CDH12: variants seen among roughly 807,000 people sequenced by gnomAD.
CDH12 encodes the protein cadherin-12.
In CDH12, 41 loss-of-function variants were observed where a neutral mutation model predicts 74.1. The ratio of observed to expected loss-of-function variants is 0.55; its 90% confidence interval spans 0.43 to 0.72. The LOEUF (loss-of-function observed/expected upper bound fraction) is 0.72. Ranked by LOEUF, CDH12 falls within the 30% of genes least tolerant of loss-of-function variation. CDH12 has a pLI of 0.00. For synonymous variants in CDH12, 399 were observed against 355.0 expected (o/e 1.12, Z -1.39); for missense variants, 945 against 977.2 (o/e 0.97, Z 0.44).
chr5:22,071,862 AT>A (rs928447001), intron 5 of CDH12, among the ~76,000 whole-genome samples: 2 of 152,090 alleles, frequency 1.3e-5, no homozygotes, highest in Non-Finnish European at 2.9e-5. Flanking sequence ...AATCTGTGTC[AT>A]TTTTTATTCT....
intron 5 of CDH12, among the ~76,000 whole-genome samples, chr5:22,052,732 T>G (rs1448914685): frequency 6.6e-6 from 1 of 152,138 alleles, no homozygotes; most frequent in Non-Finnish European, 1.5e-5. Context: ...AGTCTCTTCT[T>G]CAGGTAAAAT....
intron 1 of CDH12, among the ~76,000 whole-genome samples, chr5:22,632,347 T>C (rs1027192430): frequency 7.2e-5 from 11 of 152,094 alleles, no homozygotes; most frequent in Non-Finnish European, 1.5e-4. Flanking sequence ...AATGCGCTAA[T>C]ACATTAAATA....
At chr5:22,390,049 G>A (rs146225579) in intron 3 of CDH12, among the ~76,000 whole-genome samples, 240 of 144,270 alleles carry the variant, frequency 1.7e-3, no homozygotes, top group African/African-American at 5.6e-3. Flanking sequence ...GCACGCACAC[G>A]CTAGGTATTG....
intron 1 of CDH12, among the ~76,000 whole-genome samples, chr5:22,557,147 T>G (rs1267228470): frequency 6.6e-6 from 1 of 152,106 alleles, no homozygotes; most frequent in Non-Finnish European, 1.5e-5. Context: ...CTATAATTTT[T>G]CTTTGACAGC....
chr5:22,052,906 T>C (rs945760026), intron 5 of CDH12, among the ~76,000 whole-genome samples: 3 of 152,098 alleles, frequency 2.0e-5, no homozygotes, highest in African/African-American at 7.2e-5. Flanking sequence ...TAGGAATATA[T>C]CATTGTATAT....
At chr5:22,719,397 A>T (rs1648642560) in intron 1 of CDH12, among the ~76,000 whole-genome samples, 1 of 152,180 alleles carries the variant, frequency 6.6e-6, no homozygotes, top group Non-Finnish European at 1.5e-5. Context: ...GAACCCTTCA[A>T]CATTCTTCCT....
chr5:21,944,893 A>G lies in CDH12; in HGVS notation c.526+30198T>C, dbSNP rs540793815. 5.4e-3 allele frequency among the ~76,000 whole-genome samples: 816 copies of G among 152,290 alleles called. 11 individuals carry two copies. Among genetic ancestry groups the G allele is most frequent in the African/African-American group, 0.016 (685 of 41,548 alleles). On this transcript the variant is annotated intron_variant, in intron 6 of 14. Transcript: ENST00000382254. ...AGTCTACAAGAAGGAAGTATAAGTTAGTACTCTACTTTTGATAGGATGGTA... is the reference window on the plus strand; with the variant it reads ...AGTCTACAAGAAGGAAGTATAAGTTGGTACTCTACTTTTGATAGGATGGTA...
rs978203021 is a variant in CDH12, at chr5:22,739,387, G to A, written c.-523+113671C>T. On this transcript the variant is annotated intron_variant, in intron 1 of 14. Coordinates refer to ENST00000382254, the MANE Select transcript of CDH12 (RefSeq NM_004061.5). ...CTACGTAAAATATATGTCAATGAAT[G>A]TTGTCCACTTTTCTCCCCCTCTGGA... Among the ~76,000 whole-genome samples, 19 of 151,884 alleles carry A rather than the reference G, an allele frequency of 1.3e-4. No homozygotes were observed. The South Asian group carries it at 1.9e-3, about 15-fold the overall frequency.
chr5:22,226,601 C>A (rs1262803390), intron 3 of CDH12, among the ~76,000 whole-genome samples: 2 of 152,030 alleles, frequency 1.3e-5, no homozygotes, highest in Non-Finnish European at 2.9e-5. Context: ...GCTCTGACTT[C>A]AATATTTTGA....
At chr5:22,048,430 T>C (rs1306606282) in intron 5 of CDH12, among the ~76,000 whole-genome samples, 1 of 152,168 alleles carries the variant, frequency 6.6e-6, no homozygotes, top group Non-Finnish European at 1.5e-5. Context: ...TTTTTTGTTG[T>C]CGTTGTTGGG....
Position 22,468,372 on chromosome 5 carries a change from A to G in CDH12, c.-428+36898T>C, listed in dbSNP as rs184636971. ...TCATGCATCTCTTTCAAAATTATATATTCAATAATGTGGCTTCTCTATTCT... is the reference window on the plus strand; with the variant it reads ...TCATGCATCTCTTTCAAAATTATATGTTCAATAATGTGGCTTCTCTATTCT... On this transcript the variant is annotated intron_variant, in intron 2 of 14. Coordinates refer to ENST00000382254, the MANE Select transcript of CDH12 (RefSeq NM_004061.5). Among the ~76,000 whole-genome samples, 3 of 152,354 alleles carry G rather than the reference A, an allele frequency of 2.0e-5. No homozygotes were observed. In the East Asian group the frequency reaches 5.8e-4, roughly 29 times the overall value.
chr5:21,995,237 C>CA (rs1278192944), intron 5 of CDH12, among the ~76,000 whole-genome samples: 1 of 151,516 alleles, frequency 6.6e-6, no homozygotes, highest in Non-Finnish European at 1.5e-5. Context: ...ATTCCAGACA[C>CA]AAAATGTCAG....
intron 1 of CDH12, among the ~76,000 whole-genome samples, chr5:22,602,205 A>T (rs1736883912): frequency 6.6e-6 from 1 of 152,206 alleles, no homozygotes; most frequent in South Asian, 2.1e-4. Flanking sequence ...CTCACCTATG[A>T]CTTCCTTGGA....
intron 7 of CDH12, among the ~76,000 whole-genome samples, chr5:21,847,644 T>C (rs1236581540): frequency 6.6e-6 from 1 of 152,038 alleles, no homozygotes; most frequent in Non-Finnish European, 1.5e-5. Context: ...AGTCTACCCA[T>C]ATAATAAGAA....
chr5:22,047,572 A>G (rs1420886354), intron 5 of CDH12, among the ~76,000 whole-genome samples: 1 of 151,866 alleles, frequency 6.6e-6, no homozygotes, highest in Non-Finnish European at 1.5e-5. Flanking sequence ...TGCATTGAGT[A>G]CATCTTTCTG....
chr5:22,235,325 T>C (rs1487113147), intron 3 of CDH12, among the ~76,000 whole-genome samples: 1 of 152,112 alleles, frequency 6.6e-6, no homozygotes, highest in Admixed American at 6.6e-5. Flanking sequence ...CTCACGTCTC[T>C]ATTACAGCAC....
intron 1 of CDH12, among the ~76,000 whole-genome samples, chr5:22,722,615 A>C (rs569324520): frequency 1.4e-3 from 219 of 152,364 alleles, no homozygotes; most frequent in African/African-American, 4.8e-3. Flanking sequence ...TGAATTTTGC[A>C]ATGTCAAATT....
intron 6 of CDH12, among the ~76,000 whole-genome samples, chr5:21,916,166 A>G (rs1246191942): frequency 1.3e-5 from 2 of 152,158 alleles, no homozygotes; most frequent in Non-Finnish European, 2.9e-5. Context: ...ACACACCAAT[A>G]ATAATAATTA....
At chr5:22,290,129 G>A (rs2150412548) in intron 3 of CDH12, among the ~76,000 whole-genome samples, 1 of 152,222 alleles carries the variant, frequency 6.6e-6, no homozygotes, top group Non-Finnish European at 1.5e-5. Flanking sequence ...CCAGTGCCAT[G>A]CCTGCTACAA....
Sources: allele counts gnomAD v4.1 joint callset (sites outside exome capture counted in the v4.1 genomes callset), GRCh38; gene constraint gnomAD v4.1.1; transcripts MANE v1.5; gene names NCBI Gene and HGNC (gene_info 2026-07-23, HGNC 2026-07-21).